The following ZNRF2 variants were observed in gnomAD, a reference collection of about 807,000 sequenced individuals.
The protein encoded by ZNRF2 is zinc and ring finger 2, also known as E3 ubiquitin-protein ligase ZNRF2.
In ZNRF2, 16 loss-of-function variants were observed where a neutral mutation model predicts 20.4. The observed-to-expected ratio is 0.79, with a 90% CI of 0.53 to 1.19. The LOEUF is 1.19. ZNRF2 is among the 50% of genes most tolerant of loss of function. ZNRF2 has a pLI of 0.00. For synonymous variants in ZNRF2, 178 were observed against 144.9 expected (o/e 1.23, Z -1.64); for missense variants, 363 against 332.4 (o/e 1.09, Z -0.72).
At chr7:30,336,910 GTATT>G (rs1011077764) in intron 2 of ZNRF2, among the ~76,000 whole-genome samples, 2 of 152,096 alleles carry the variant, frequency 1.3e-5, no homozygotes, top group African/African-American at 4.8e-5. Context: ...ATATATGTAT[GTATT>G]AGAAAACATG....
chr7:30,311,873 GT>G (rs1481792189), intron 1 of ZNRF2, among the ~76,000 whole-genome samples: 1 of 152,074 alleles, frequency 6.6e-6, no homozygotes, highest in Non-Finnish European at 1.5e-5. Flanking sequence ...TTAGATTTTA[GT>G]TGTGATAGTA....
At chr7:30,296,055 T>C (rs1042118819) in intron 1 of ZNRF2, among the ~76,000 whole-genome samples, 6 of 152,242 alleles carry the variant, frequency 3.9e-5, no homozygotes, top group African/African-American at 1.4e-4. Flanking sequence ...AAAAACTTTG[T>C]AAATATTGAA....
chr7:30,354,040 C>T (rs1799998908), intron 2 of ZNRF2, among the ~76,000 whole-genome samples: 2 of 151,874 alleles, frequency 1.3e-5, no homozygotes, highest in South Asian at 4.1e-4. Context: ...TGTTCCCTAT[C>T]TGAATCTCCT....
intron 2 of ZNRF2, among the ~76,000 whole-genome samples, chr7:30,352,764 C>T (rs1799978380): frequency 6.6e-6 from 1 of 151,996 alleles, no homozygotes; most frequent in Non-Finnish European, 1.5e-5. Context: ...ACTCCTTAAT[C>T]CCTGTGGGTG....
At chr7:30,309,861 G>C (rs1340548051) in intron 1 of ZNRF2, among the ~76,000 whole-genome samples, 1 of 152,110 alleles carries the variant, frequency 6.6e-6, no homozygotes, top group African/African-American at 2.4e-5. Context: ...AAAAGTTTTA[G>C]GGTATGGAAG....
intron 2 of ZNRF2, among the ~76,000 whole-genome samples, chr7:30,348,945 T>G (rs1799920921): frequency 6.6e-6 from 1 of 151,608 alleles, no homozygotes; most frequent in Non-Finnish European, 1.5e-5. Context: ...ATATGCACAT[T>G]GTAATACTAC....
chr7:30,341,153 C>T (rs1307470847), intron 2 of ZNRF2, among the ~76,000 whole-genome samples: 4 of 152,060 alleles, frequency 2.6e-5, no homozygotes, highest in African/African-American at 9.6e-5. Context: ...TAGGGGTCTA[C>T]CTATTTTGTT....
intron 1 of ZNRF2, among the ~76,000 whole-genome samples, chr7:30,291,548 G>C (rs1269322361): frequency 6.6e-6 from 1 of 152,192 alleles, no homozygotes; most frequent in East Asian, 1.9e-4. Flanking sequence ...AGATTTGATT[G>C]AGATTTCTAA....
chr7:30,295,871 A>C (rs367687875), intron 1 of ZNRF2, among the ~76,000 whole-genome samples: 1 of 152,230 alleles, frequency 6.6e-6, no homozygotes, highest in Non-Finnish European at 1.5e-5. Context: ...CTCCTCAGAA[A>C]GACCATGTGC....
At chr7:30,355,643 C>A in intron 2 of ZNRF2, 85 bp from the exon 3 acceptor site, 2 of 1,107,644 alleles carry the variant, frequency 1.8e-6, no homozygotes, top group Non-Finnish European at 2.6e-6. Context: ...GGAATCACAA[C>A]TTTTTATCAG....
chr7:30,319,398 G>T (rs748359029), intron 1 of ZNRF2, among the ~76,000 whole-genome samples: 41 of 152,302 alleles, frequency 2.7e-4, no homozygotes, highest in Non-Finnish European at 5.7e-4. Flanking sequence ...TTTCTAATGT[G>T]TAAGTAGTAG....
intron 3 of ZNRF2, among the ~76,000 whole-genome samples, chr7:30,356,504 G>T (rs186382538): frequency 1.3e-5 from 2 of 152,088 alleles, no homozygotes; most frequent in Non-Finnish European, 2.9e-5. Flanking sequence ...GTTGGGATAG[G>T]TAGTTGATAA....
At chr7:30,350,948 G>A (rs1458096730) in intron 2 of ZNRF2, among the ~76,000 whole-genome samples, 1 of 150,980 alleles carries the variant, frequency 6.6e-6, no homozygotes, top group East Asian at 1.9e-4. Flanking sequence ...TGAAATTTTC[G>A]CATGAAGTTT....
chr7:30,346,170 ATTTTTTTTTTTTTTTTTTTTTTT>A (rs70980598), intron 2 of ZNRF2, among the ~76,000 whole-genome samples: 1 of 23,676 alleles, frequency 4.2e-5, no homozygotes, highest in African/African-American at 9.8e-5. Context: ...GTTAAGTCTG[ATTTTTTTTTTTTTTTTTTTTTTT>A]TTTTTTTTTT....
chr7:30,298,972 ATCT>A (rs1471012137), intron 1 of ZNRF2, among the ~76,000 whole-genome samples: 3 of 152,040 alleles, frequency 2.0e-5, no homozygotes, highest in African/African-American at 7.2e-5. Flanking sequence ...TTTTTATTTC[ATCT>A]TCTTGATTTT....
intron 1 of ZNRF2, among the ~76,000 whole-genome samples, chr7:30,316,041 C>T (rs577539579): frequency 6.6e-6 from 1 of 151,966 alleles, no homozygotes; most frequent in African/African-American, 2.4e-5. Flanking sequence ...GTAATCCCAG[C>T]ACTTTGGGAG....
chr7:30,330,102 T>C (rs972712851), intron 2 of ZNRF2, among the ~76,000 whole-genome samples: 1 of 152,210 alleles, frequency 6.6e-6, no homozygotes, highest in African/African-American at 2.4e-5. Flanking sequence ...CTTTATACCA[T>C]ATAAAGTTCA....
At chr7:30,353,857 C>A (rs1799994366) in intron 2 of ZNRF2, among the ~76,000 whole-genome samples, 1 of 151,980 alleles carries the variant, frequency 6.6e-6, no homozygotes, top group Non-Finnish European at 1.5e-5. Flanking sequence ...AACTTACACT[C>A]ACATAATTCT....
At position 30,367,321 on chromosome 7, in the gene ZNRF2, A is replaced by C. The variant is rs1800231614; in HGVS notation, c.*1309A>C. On this transcript the variant is annotated 3_prime_UTR_variant, in exon 5 of 5. Coordinates refer to ENST00000323037, the MANE Select transcript of ZNRF2 (RefSeq NM_147128.4). The stretch of plus-strand genomic sequence containing the variant: ...ATAATACATCTGAATGGTTAAAAAT[A>C]CTGGAAGAGTTGTCAGGGCTACAAT... 6.6e-6 allele frequency: 1 copy of C among 152,490 alleles called. No individual in the cohort carries two copies. Among genetic ancestry groups the C allele is most frequent in the African/African-American group, 2.4e-5 (1 of 41,458 alleles). The allele number at this position is 152,490 out of a possible 1,614,324, so 9.4% of individuals were successfully genotyped here. A position where few individuals can be genotyped will look rare whatever the true frequency, so the allele number is the denominator to read the frequency against.
Sources: allele counts gnomAD v4.1 joint callset (sites outside exome capture counted in the v4.1 genomes callset), GRCh38; gene constraint gnomAD v4.1.1; transcripts MANE v1.5; gene names NCBI Gene and HGNC (gene_info 2026-07-23, HGNC 2026-07-21).